RELN: variants seen among roughly 807,000 people sequenced by gnomAD.
RELN encodes reelin.
In RELN, 108 loss-of-function variants were observed where a neutral mutation model predicts 427.6. The observed-to-expected ratio is 0.25, with a 90% CI of 0.22 to 0.30. The LOEUF is 0.30. Among genes scored for constraint, RELN ranks in the 10% least tolerant of loss-of-function variants. The probability of loss-of-function intolerance (pLI) is 1.00; values close to 1 mark genes in which losing one functional copy is unlikely to be tolerated. For missense variants in RELN, 3,715 were observed against 4,302.8 expected (o/e 0.86, Z 3.82); for synonymous variants, 1,524 against 1,513.4 (o/e 1.01, Z -0.16).
chr7:103,575,678 C>T lies in RELN; in HGVS notation c.4173G>A (p.Glu1391=). Residue 1391 remains glutamate, a synonymous_variant, in exon 29 of 65, where the codon GAG becomes GAA. Transcript: ENST00000428762. ...GAGGCACGTTTTTCTGTGAGCTGCT[C>T]TCCTGGATCCATCGGAATCTGGTCT... ...SSKTRFRWIQ[E]SSSQKNVPPF... The T allele has an allele frequency of 6.2e-7, 1 of 1,614,154 alleles. No individual in the cohort carries two copies. The highest frequency in any genetic ancestry group is 8.5e-7 in the Non-Finnish European group (1 of 1,180,012).
intron 3 of RELN, among the ~76,000 whole-genome samples, chr7:103,814,415 A>G (rs1363590927): frequency 1.3e-5 from 2 of 152,196 alleles, no homozygotes; most frequent in African/African-American, 4.8e-5. Context: ...AGTTAGTGCT[A>G]TACACTTAAC....
intron 3 of RELN, among the ~76,000 whole-genome samples, chr7:103,812,524 A>G (rs1436522090): frequency 6.6e-6 from 1 of 152,200 alleles, no homozygotes; most frequent in Non-Finnish European, 1.5e-5. Context: ...AACCTCATGC[A>G]CTTGTTCAGA....
chr7:103,636,363 G>A lies in RELN; in HGVS notation c.2175C>T (p.Asn725=), dbSNP rs779588050. ...FGSSRLSSYH[N]FYSIRGAEVS... ...CTTCAGCACCACGGATAGAGTAAAA[G>A]TTATGGTAAGAGGAGAGCCTGGAAC... Residue 725 remains asparagine (N), a synonymous_variant, in exon 18 of 65, where the codon AAC becomes AAT. Coordinates refer to ENST00000428762, the MANE Select transcript of RELN (RefSeq NM_005045.4). 3.7e-6 allele frequency: 6 copies of A among 1,613,824 alleles called. No individual in the cohort carries two copies. Among genetic ancestry groups the A allele is most frequent in the Admixed American group, 3.3e-5 (2 of 59,982 alleles).
At chr7:103,752,678 C>T (rs897024141) in intron 5 of RELN, among the ~76,000 whole-genome samples, 4 of 152,228 alleles carry the variant, frequency 2.6e-5, no homozygotes, top group African/African-American at 9.6e-5. Flanking sequence ...GCCTCCTAAA[C>T]TGTTGGGGTT....
At chr7:103,713,932 TAA>T (rs930888376) in intron 8 of RELN, among the ~76,000 whole-genome samples, 1 of 152,194 alleles carries the variant, frequency 6.6e-6, no homozygotes, top group African/African-American at 2.4e-5. Context: ...AGAAAATCCC[TAA>T]AAGTATTAGC....
At chr7:103,872,985 T>G (rs1442958779) in intron 2 of RELN, among the ~76,000 whole-genome samples, 1 of 151,868 alleles carries the variant, frequency 6.6e-6, no homozygotes. Flanking sequence ...ATGAGTAGGT[T>G]GAGAAAATTA....
intron 2 of RELN, among the ~76,000 whole-genome samples, chr7:103,907,413 TG>T (rs370756904): frequency 0.41 from 8,471 of 20,530 alleles, 3,191 homozygotes; most frequent in Middle Eastern, 0.53. Flanking sequence ...ATCAAGGCTC[TG>T]GAAAAAAAAA....
At chr7:103,668,933 A>T (rs919384080) in intron 11 of RELN, among the ~76,000 whole-genome samples, 3 of 152,192 alleles carry the variant, frequency 2.0e-5, no homozygotes, top group Non-Finnish European at 4.4e-5. Flanking sequence ...ATTGAAAAAG[A>T]ATTTTCATGG....
At chr7:103,810,207 T>C (rs1171211955) in intron 3 of RELN, among the ~76,000 whole-genome samples, 2 of 152,210 alleles carry the variant, frequency 1.3e-5, no homozygotes, top group Non-Finnish European at 2.9e-5. Context: ...CTTTCCCTTC[T>C]GCTGACATGC....
intron 1 of RELN, among the ~76,000 whole-genome samples, chr7:103,920,164 T>C (rs916800405): frequency 2.6e-5 from 4 of 152,180 alleles, no homozygotes; most frequent in African/African-American, 9.7e-5. Flanking sequence ...GGTTCCAAGC[T>C]GCATAGTTTA....
intron 2 of RELN, among the ~76,000 whole-genome samples, chr7:103,863,308 CAT>C (rs1316734510): frequency 6.6e-6 from 1 of 152,076 alleles, no homozygotes; most frequent in East Asian, 1.9e-4. Context: ...ATGAAAGAAT[CAT>C]AGAATGTTAG....
intron 2 of RELN, among the ~76,000 whole-genome samples, chr7:103,839,929 T>C (rs1386727510): frequency 1.3e-5 from 2 of 152,194 alleles, no homozygotes; most frequent in South Asian, 2.1e-4. Context: ...GACTGTATCA[T>C]AGAGGTGGAT....
intron 2 of RELN, among the ~76,000 whole-genome samples, chr7:103,914,602 CT>C (rs936170204): frequency 1.3e-5 from 2 of 152,006 alleles, no homozygotes; most frequent in African/African-American, 4.8e-5. Context: ...AAATCACTTC[CT>C]CCTTTAATTA....
intron 17 of RELN, among the ~76,000 whole-genome samples, chr7:103,638,980 TG>T (rs1369913539): frequency 6.6e-6 from 1 of 152,240 alleles, no homozygotes; most frequent in Admixed American, 6.5e-5. Flanking sequence ...AAATAAAAGT[TG>T]TCATTCTAGG....
chr7:103,804,430 T>C (rs1792546600), intron 3 of RELN, among the ~76,000 whole-genome samples: 1 of 152,124 alleles, frequency 6.6e-6, no homozygotes, highest in African/African-American at 2.4e-5. Context: ...AAATTCGGAA[T>C]AATGCCTGTT....
At chr7:103,741,362 T>C (rs759902509) in intron 6 of RELN, among the ~76,000 whole-genome samples, 3 of 151,982 alleles carry the variant, frequency 2.0e-5, no homozygotes, top group African/African-American at 4.8e-5. Flanking sequence ...CATCAATATA[T>C]ATTCCATAGA....
intron 2 of RELN, among the ~76,000 whole-genome samples, chr7:103,842,042 A>G (rs1016457876): frequency 6.6e-6 from 1 of 152,190 alleles, no homozygotes; most frequent in Non-Finnish European, 1.5e-5. Flanking sequence ...ATATATAAAA[A>G]TGATACAATT....
intron 52 of RELN, among the ~76,000 whole-genome samples, chr7:103,502,714 C>T (rs1031511981): frequency 6.6e-6 from 1 of 152,202 alleles, no homozygotes; most frequent in African/African-American, 2.4e-5. Flanking sequence ...AGGTAGGGTA[C>T]ACCTTTTCAT....
intron 29 of RELN, among the ~76,000 whole-genome samples, chr7:103,575,208 T>C (rs1259749452): frequency 7.9e-5 from 12 of 152,348 alleles, no homozygotes; most frequent in Non-Finnish European, 7.3e-5. Flanking sequence ...TTTACAGTAC[T>C]ATGACAGAGT....
Sources: allele counts gnomAD v4.1 joint callset (sites outside exome capture counted in the v4.1 genomes callset), GRCh38; gene constraint gnomAD v4.1.1; transcripts MANE v1.5; gene names NCBI Gene and HGNC (gene_info 2026-07-23, HGNC 2026-07-21).